Variants in LRRC38 observed in about 807,000 individuals in gnomAD.
LRRC38 encodes leucine-rich repeat-containing protein 38.
A neutral mutation model predicts 16.4 loss-of-function variants in LRRC38; 5 were observed. The ratio of observed to expected loss-of-function variants is 0.31; its 90% CI spans 0.16 to 0.64. LRRC38 has a LOEUF of 0.64. LRRC38 is among the 30% of genes least tolerant of loss of function. LRRC38 has a pLI of 0.80. For synonymous variants in LRRC38, 191 were observed against 190.2 expected, an observed-to-expected ratio of 1.00 and a Z score of -0.04; for missense variants, 341 against 401.8, an observed-to-expected ratio of 0.85 and a Z score of 1.29.
intron 1 of LRRC38, among the ~76,000 whole-genome samples, chr1:13,496,282 C>T (rs1441498996): frequency 6.6e-6 from 1 of 152,164 alleles, no homozygotes; most frequent in African/African-American, 2.4e-5. Context: ...GATCCTCTTG[C>T]CTCAGCGTCC....
intron 1 of LRRC38, among the ~76,000 whole-genome samples, chr1:13,493,494 T>C (rs1338505099): frequency 6.6e-6 from 1 of 152,180 alleles, no homozygotes; most frequent in African/African-American, 2.4e-5. Context: ...CACATGCTAA[T>C]CCTCAGAATC....
chr1:13,478,381 T>G (rs1336110522), intron 1 of LRRC38, among the ~76,000 whole-genome samples: 1 of 152,234 alleles, frequency 6.6e-6, no homozygotes, highest in East Asian at 1.9e-4. Flanking sequence ...AGCATGTGCA[T>G]AGCTTGCCTT....
At position 13,513,176 on chromosome 1, in the gene LRRC38, G is replaced by A; in HGVS notation, c.418C>T (p.Leu140=). The A allele has an allele frequency of 1.9e-6, 3 of 1,550,540 alleles. No individual in the cohort carries two copies. The highest frequency in any genetic ancestry group is 2.6e-6 in the Non-Finnish European group (3 of 1,146,960). ...AAGGCGTCCTCGTGCACGCCCACCAGGTTGTTGTTAGCCAGGCTAAGCTTC... is the reference window on the plus strand; with the variant it reads ...AAGGCGTCCTCGTGCACGCCCACCAAGTTGTTGTTAGCCAGGCTAAGCTTC... The part of the protein sequence containing the change: ...LVKLSLANNN[L]VGVHEDAFET... Residue 140 remains leucine (L), a synonymous_variant, in exon 1 of 2, where the codon CTG becomes TTG. Transcript: ENST00000376085.
At chr1:13,477,556 G>C (rs1406186935) in intron 1 of LRRC38, among the ~76,000 whole-genome samples, 3 of 152,122 alleles carry the variant, frequency 2.0e-5, no homozygotes, top group African/African-American at 7.2e-5. Flanking sequence ...CTGGGAAAAA[G>C]GCCGGGTGTG....
intron 1 of LRRC38, among the ~76,000 whole-genome samples, chr1:13,511,729 G>A (rs2100529863): frequency 6.6e-6 from 1 of 152,208 alleles, no homozygotes; most frequent in Non-Finnish European, 1.5e-5. Context: ...CCAGACAAGT[G>A]GATGAGGACA....
chr1:13,496,156 A>AAT (rs35329337), intron 1 of LRRC38, among the ~76,000 whole-genome samples: 39,935 of 150,430 alleles, frequency 0.27, 5,717 homozygotes, highest in East Asian at 0.38. Flanking sequence ...GCGCTGATCA[A>AAT]ATATATATAT....
At chr1:13,484,586 A>G (rs1204781445) in intron 1 of LRRC38, among the ~76,000 whole-genome samples, 1 of 152,204 alleles carries the variant, frequency 6.6e-6, no homozygotes, top group Non-Finnish European at 1.5e-5. Context: ...CTTCTAGGAC[A>G]AAAGTTCTTT....
intron 1 of LRRC38, among the ~76,000 whole-genome samples, chr1:13,504,698 C>T (rs1427136392): frequency 1.8e-5 from 2 of 113,892 alleles, no homozygotes; most frequent in Admixed American, 1.1e-4. Flanking sequence ...ACTCCAGCCT[C>T]GGTGACAGAG....
At position 13,481,761 on chromosome 1, in the gene LRRC38, C is replaced by CT. The variant is rs1491057776; in HGVS notation, c.632-5663_632-5662insA. Among the ~76,000 whole-genome samples the CT allele has an allele frequency of 7.5e-5, 4 of 53,550 alleles. No individual in the cohort carries two copies. In the African/African-American group the frequency reaches 8.6e-4, roughly 12 times the overall value. The allele number at this position is 53,550 out of a possible 152,430, so 35.1% of individuals were successfully genotyped here. ...TCTGTCTCTGCCTCTCACTTTCTTT[C>CT]CCTCTCTCTCCCTCTCTCCCTCTCT... On this transcript the variant is annotated intron_variant, in intron 1 of 1. Transcript: ENST00000376085.
chr1:13,503,932 G>T (rs1440788211), intron 1 of LRRC38, among the ~76,000 whole-genome samples: 1 of 152,164 alleles, frequency 6.6e-6, no homozygotes, highest in Non-Finnish European at 1.5e-5. Flanking sequence ...GACACCAGAG[G>T]ACTCTTAATT....
intron 1 of LRRC38, among the ~76,000 whole-genome samples, chr1:13,494,608 C>T (rs767740430): frequency 1.3e-5 from 2 of 152,104 alleles, no homozygotes; most frequent in African/African-American, 2.4e-5. Context: ...CATGGTGGAT[C>T]GAAATCAAAA....
At chr1:13,510,362 A>G (rs561625415) in intron 1 of LRRC38, among the ~76,000 whole-genome samples, 2 of 152,298 alleles carry the variant, frequency 1.3e-5, no homozygotes, top group South Asian at 4.1e-4. Flanking sequence ...GGCAAGTTAC[A>G]TCGCTTCTCT....
intron 1 of LRRC38, among the ~76,000 whole-genome samples, chr1:13,496,221 C>T (rs1639078148): frequency 6.6e-6 from 1 of 151,880 alleles, no homozygotes; most frequent in Admixed American, 6.6e-5. Context: ...GGCTGGGGTG[C>T]AGCAGCAAGA....
intron 1 of LRRC38, among the ~76,000 whole-genome samples, chr1:13,504,725 G>A (rs75270443): frequency 8.5e-6 from 1 of 117,186 alleles, no homozygotes; most frequent in African/African-American, 3.5e-5. Flanking sequence ...TGTGTTGAAG[G>A]GGGGAGGGGA....
rs934833530 is a variant in LRRC38, at chr1:13,502,546, C to T, written c.631+10417G>A. Reference sequence around the variant, plus strand: ...CAGTTCTTGTGGCCTGGACCGTCACCCTCTCTCCTTGTCTGGCTGCCCTGT... The same window carrying T: ...CAGTTCTTGTGGCCTGGACCGTCACTCTCTCTCCTTGTCTGGCTGCCCTGT... On this transcript the variant is annotated intron_variant, in intron 1 of 1. Transcript: ENST00000376085. 1.3e-5 allele frequency among the ~76,000 whole-genome samples: 2 copies of T among 152,196 alleles called. 1 individual carries two copies. Among genetic ancestry groups the T allele is most frequent in the African/African-American group, 4.8e-5 (2 of 41,452 alleles).
rs1386195786 is a variant in LRRC38 at position 13,475,588 on chromosome 1, A to G, written c.*258T>C. On this transcript the variant is annotated 3_prime_UTR_variant, in exon 2 of 2. Transcript: ENST00000376085. The surrounding 1 kb of genome is among the most constrained non-coding windows in gnomAD (Gnocchi z 4.3). ...CCTGACTCGGTCATCTTCTCCCCCAACACACACCTCGATCTGAGAGGCAGG... is the reference window on the plus strand; with the variant it reads ...CCTGACTCGGTCATCTTCTCCCCCAGCACACACCTCGATCTGAGAGGCAGG... 8.3e-6 allele frequency: 4 copies of G among 482,230 alleles called. No homozygotes were observed. Among genetic ancestry groups the G allele is most frequent in the African/African-American group, 1.9e-5 (1 of 51,896 alleles). The allele number at this position is 482,230 out of a possible 1,614,324, so 29.9% of individuals were successfully genotyped here.
At chr1:13,511,024 G>A (rs1019290528) in intron 1 of LRRC38, among the ~76,000 whole-genome samples, 12 of 152,140 alleles carry the variant, frequency 7.9e-5, no homozygotes, top group African/African-American at 1.2e-4. Flanking sequence ...AGCTGTGTCC[G>A]TCCTCTCCCT....
chr1:13,500,786 C>T (rs1639138171), intron 1 of LRRC38, among the ~76,000 whole-genome samples: 1 of 152,072 alleles, frequency 6.6e-6, no homozygotes, highest in Non-Finnish European at 1.5e-5. Flanking sequence ...CAGTGTTATA[C>T]TAAAATAAAA....
chr1:13,506,094 T>C (rs1436768361), intron 1 of LRRC38, among the ~76,000 whole-genome samples: 1 of 151,700 alleles, frequency 6.6e-6, no homozygotes, highest in Non-Finnish European at 1.5e-5. Context: ...ACCTGTAACG[T>C]CAGGCAGTGG....
Sources: allele counts gnomAD v4.1 joint callset (sites outside exome capture counted in the v4.1 genomes callset), GRCh38; gene constraint gnomAD v4.1.1; non-coding constraint Gnocchi (gnomAD v3.1); transcripts MANE v1.5; gene names NCBI Gene and HGNC (gene_info 2026-07-23, HGNC 2026-07-21).